PABIR2: variants seen among roughly 807,000 people sequenced by gnomAD.
PABIR2 encodes family with sequence similarity 122B.
PABIR2 carries 7 observed loss-of-function variants against 22.8 expected under a neutral mutation model. The observed-to-expected ratio is 0.31, with a 90% CI of 0.17 to 0.58. The LOEUF (loss-of-function observed/expected upper bound fraction) is 0.58. Ranked by LOEUF, PABIR2 falls within the 20% of genes least tolerant of loss-of-function variation. The pLI, the probability that PABIR2 is intolerant of heterozygous loss-of-function variation, is 0.89. For missense variants in PABIR2, 155 were observed against 205.1 expected (o/e 0.76, Z 1.49); for synonymous variants, 67 against 73.8 (o/e 0.91, Z 0.47).
chrX:134,773,525 T>A (rs925765645), intron 9 of PABIR2, among the ~76,000 whole-genome samples: 2 of 111,409 alleles, frequency 1.8e-5, no homozygotes, highest in African/African-American at 3.3e-5. Context: ...GAGAAAAGGT[T>A]CCCCAGAGAT....
intron 9 of PABIR2, among the ~76,000 whole-genome samples, chrX:134,780,287 A>T (rs1174127446): frequency 8.9e-6 from 1 of 112,458 alleles, no homozygotes; most frequent in Non-Finnish European, 1.9e-5. Flanking sequence ...TTTTAAAAAG[A>T]TCTTCAGGCC....
At position 134,788,104 on chromosome X, in the gene PABIR2, TTA is replaced by T. The variant is rs1163785988; in HGVS notation, c.436-573_436-572del. On this transcript the variant is annotated intron_variant, in intron 6 of 9. Transcript: ENST00000343004. ...ACGTTATATGTGTAATATATACACG[TTA>T]TATATGTGTAATATATACACGTTAT... 6.9e-5 allele frequency among the ~76,000 whole-genome samples: 7 copies of T among 100,904 alleles called. No homozygotes were observed. In the South Asian group the frequency reaches 1.2e-3, roughly 17 times the overall value. The allele number at this position is 100,904 out of a possible 115,157, so 87.6% of individuals were successfully genotyped here.
At chrX:134,791,507 C>T in intron 2 of PABIR2, 1 of 247,505 alleles carries the variant, frequency 4.0e-6, no homozygotes, top group Non-Finnish European at 7.5e-6. Flanking sequence ...GTTTGTTTTC[C>T]CCCATCAGAT....
At chrX:134,773,974 C>A (rs1034814270) in intron 9 of PABIR2, among the ~76,000 whole-genome samples, 2 of 111,648 alleles carry the variant, frequency 1.8e-5, no homozygotes, top group Non-Finnish European at 3.8e-5. Context: ...TTTAAAATGT[C>A]ATTTCATTCC....
rs954826647 is a variant in PABIR2 at position 134,778,934 on chromosome X, C to A, written c.659+2887G>T. ...TTCACGCCATTCTTCCTGCCTCAGC[C>A]TCCCGAGTAGCTGGGACTACAGGCG... On this transcript the variant is annotated intron_variant, in intron 9 of 9. Transcript: ENST00000343004. 2.7e-5 allele frequency among the ~76,000 whole-genome samples: 3 copies of A among 110,898 alleles called. No homozygotes were observed. The Admixed American group carries it at 2.9e-4, about 11-fold the overall frequency.
rs1406285924 is a variant in PABIR2 at position 134,787,491 on chromosome X, T to C, written c.478A>G (p.Ser160Gly). The C allele has an allele frequency of 6.6e-6, 8 of 1,210,675 alleles. No homozygotes were observed. The East Asian group carries it at 2.4e-4, about 36-fold the overall frequency. Residue 160 changes from serine (S) to glycine (G), a missense_variant, in exon 7 of 10, where the codon AGT becomes GGT. Coordinates refer to ENST00000343004, the MANE Select transcript of PABIR2 (RefSeq NM_001387468.1). The stretch of plus-strand genomic sequence containing the variant: ...GCTTACCTTGAAAATCGTCTTGGAC[T>C]GGGAACTGGACTTGGTGGCAATCCA... Reference protein sequence around the residue: ...SSGLPPSPVPSPRRFSSRRSQ... With the variant: ...SSGLPPSPVPGPRRFSSRRSQ...
intron 7 of PABIR2, 133 bp from the exon 8 acceptor site, chrX:134,786,083 T>C (rs1223455444): frequency 1.8e-6 from 1 of 566,862 alleles, no homozygotes; most frequent in Non-Finnish European, 2.9e-6. Context: ...TCTTCTGTAA[T>C]TGAGTAACTG....
chrX:134,774,506 G>T (rs2078915130), intron 9 of PABIR2, among the ~76,000 whole-genome samples: 1 of 110,843 alleles, frequency 9.0e-6, no homozygotes, highest in Non-Finnish European at 1.9e-5. Flanking sequence ...TGGGTTAAAA[G>T]ATTCCATTTG....
At chrX:134,790,483 C>A (rs1315929064) in intron 2 of PABIR2, among the ~76,000 whole-genome samples, 1 of 112,712 alleles carries the variant, frequency 8.9e-6, no homozygotes, top group African/African-American at 3.2e-5. Flanking sequence ...ACTATTAAAA[C>A]TTATTTGAAT....
At position 134,772,234 on chromosome X, in the gene PABIR2, G is replaced by A; in HGVS notation, c.709C>T (p.Pro237Ser). ...SSSSSGLSSD[P>S]LAKGSATAES... ...GCGGTAGCGCTGCCTTTAGCCAGCGGGTCTGAGGATAAGCCACTGCTGCTA... is the reference window on the plus strand; with the variant it reads ...GCGGTAGCGCTGCCTTTAGCCAGCGAGTCTGAGGATAAGCCACTGCTGCTA... The change falls in exon 10 of 10, where the codon CCG becomes TCG. Residue 237 changes from proline (P) to serine (S), a missense_variant. By Grantham distance (74) the Pro-to-Ser change is moderately conservative. Transcript: ENST00000343004. The A allele has an allele frequency of 8.3e-7, 1 of 1,202,416 alleles. No individual in the cohort carries two copies. Among genetic ancestry groups the A allele is most frequent in the Non-Finnish European group, 1.1e-6 (1 of 889,585 alleles).
Position 134,769,567 on chromosome X carries a change from A to C in PABIR2, c.*2572T>G, listed in dbSNP as rs1457971656. ...AAGGACAGACTTTTAAAACACTAGT[A>C]AATTTTATGCATGTATACACACTTT... On this transcript the variant is annotated 3_prime_UTR_variant, in exon 10 of 10. Transcript: ENST00000343004. The C allele has an allele frequency of 8.9e-5, 10 of 112,205 alleles. No individual in the cohort carries two copies. The highest frequency in any genetic ancestry group is 2.9e-4 in the African/African-American group (9 of 30,879). 9.2% of individuals were successfully genotyped at this position (112,205 alleles called of 1,213,427 possible).
chrX:134,789,252 A>G lies in PABIR2; in HGVS notation c.249T>C (p.Asp83=). ...CATGTGCAGTTTCTCTGTTCACCAT[A>G]TCCAGGCCTTCTTCCTGCAAAGACA... is the stretch of plus-strand genomic sequence containing the variant. ...LHQIKREEGL[D]MVNRETAHER... is the part of the protein sequence containing the mutation. Residue 83 remains aspartate, a synonymous_variant, in exon 4 of 10, where the codon GAT becomes GAC. Transcript: ENST00000343004. 1 of 1,212,370 alleles carries G rather than the reference A, an allele frequency of 8.2e-7. No homozygotes were observed. The highest frequency in any genetic ancestry group is 1.1e-6 in the Non-Finnish European group (1 of 895,640).
At chrX:134,779,059 C>G (rs2079085034) in intron 9 of PABIR2, among the ~76,000 whole-genome samples, 1 of 111,651 alleles carries the variant, frequency 9.0e-6, no homozygotes, top group African/African-American at 3.2e-5. Flanking sequence ...CGTGATCCAC[C>G]TGCCTCAGCC....
In PABIR2 at chrX:134,770,732, C is replaced by T. The variant is rs1198373999; in HGVS notation, c.*1407G>A. ...AGACATTTTACCTAGTTATAAATAA[C>T]GTAACAATAGATCACACTCAGATTT... On this transcript the variant is annotated 3_prime_UTR_variant, in exon 10 of 10. Transcript: ENST00000343004. 8.9e-6 allele frequency: 1 copy of T among 112,798 alleles called. No individual in the cohort carries two copies. The highest frequency in any genetic ancestry group is 3.2e-5 in the African/African-American group (1 of 30,958). The allele number at this position is 112,798 out of a possible 1,213,427, so 9.3% of individuals were successfully genotyped here. A position where few individuals can be genotyped will look rare whatever the true frequency, so the allele number is the denominator to read the frequency against.
intron 3 of PABIR2, 86 bp downstream of exon 3, chrX:134,789,494 T>A: frequency 1.1e-6 from 1 of 930,059 alleles, no homozygotes; most frequent in Non-Finnish European, 1.5e-6. Context: ...CAGAGTTGCA[T>A]CCTAATTCAT....
intron 6 of PABIR2, 134 bp from the exon 7 acceptor site, chrX:134,787,667 G>C: frequency 1.8e-6 from 1 of 559,546 alleles, no homozygotes; most frequent in Non-Finnish European, 2.7e-6. Context: ...TCAAGCTGGA[G>C]TGCAGTGATG....
chrX:134,772,385 G>A, intron 9 of PABIR2, 102 bp from the exon 10 acceptor site: 1 of 823,497 alleles, frequency 1.2e-6, no homozygotes, highest in Non-Finnish European at 1.7e-6. Context: ...TAAATCACTT[G>A]TAAATAATAA....
chrX:134,790,616 T>C (rs2079517609), intron 2 of PABIR2, among the ~76,000 whole-genome samples: 1 of 112,424 alleles, frequency 8.9e-6, no homozygotes, highest in Admixed American at 9.4e-5. Context: ...CTCTGCTCAC[T>C]GCAACTTCCG....
Position 134,771,530 on chromosome X carries a change from G to A in PABIR2, c.*609C>T, listed in dbSNP as rs2078837658. The A allele has an allele frequency of 1.0e-6, 1 of 982,278 alleles. No individual in the cohort carries two copies. Among genetic ancestry groups the A allele is most frequent in the Admixed American group, 5.3e-5 (1 of 18,995 alleles). The allele number at this position is 982,278 out of a possible 1,213,427, so 81.0% of individuals were successfully genotyped here. On this transcript the variant is annotated 3_prime_UTR_variant, in exon 10 of 10. Transcript: ENST00000343004. ...TCACTTCACACACCCCAACAGCAAAGAAGCAATAAGAGTAATGAAAGCAAC... is the reference window on the plus strand; with the variant it reads ...TCACTTCACACACCCCAACAGCAAAAAAGCAATAAGAGTAATGAAAGCAAC...
Sources: gnomAD v4.1 joint callset for allele counts (sites outside exome capture counted in the v4.1 genomes callset) on GRCh38, gnomAD v4.1.1 for gene constraint, MANE v1.5 for transcripts, NCBI Gene and HGNC (gene_info 2026-07-23, HGNC 2026-07-21) for gene names.